MAP1LC3C: variants seen among roughly 807,000 people sequenced by gnomAD.
MAP1LC3C encodes the protein microtubule-associated protein 1 light chain 3 gamma.
Under a neutral mutation model 10.4 loss-of-function variants are expected in MAP1LC3C, and 12 were observed. The observed-to-expected ratio is 1.15, with a 90% CI of 0.74 to 1.86. The LOEUF is 1.86. Among genes scored for constraint, MAP1LC3C ranks in the 40% most tolerant of loss-of-function variants. MAP1LC3C has a pLI of 0.00. For synonymous variants in MAP1LC3C, 70 were observed against 69.0 expected (o/e 1.01, Z -0.07); for missense variants, 177 against 185.7 (o/e 0.95, Z 0.27).
upstream of MAP1LC3C, among the ~76,000 whole-genome samples, chr1:241,999,371 C>T (rs1164463826): frequency 3.3e-5 from 5 of 152,152 alleles, no homozygotes; most frequent in Non-Finnish European, 7.3e-5. Context: ...GATGTTTTTG[C>T]CCTTCAGTAG....
At chr1:241,999,171 C>T, upstream of MAP1LC3C, 1 of 1,343,164 alleles carries the variant, frequency 7.4e-7, no homozygotes, top group Admixed American at 3.3e-5. Flanking sequence ...CTCCCCTCTC[C>T]CCACTCCCCC....
chr1:242,000,749 TA>T (rs1235415660), upstream of MAP1LC3C, among the ~76,000 whole-genome samples: 2 of 152,186 alleles, frequency 1.3e-5, no homozygotes, highest in African/African-American at 4.8e-5. Flanking sequence ...CGTGTTCAGC[TA>T]GCAGAACCTA....
At chr1:241,998,667 A>G (rs756785766) in intron 2 of MAP1LC3C, 47 bp from the exon 3 acceptor site, 3 of 1,607,836 alleles carry the variant, frequency 1.9e-6, no homozygotes, top group East Asian at 2.2e-5. Flanking sequence ...CGTGAGTGTT[A>G]GGAACTTGGA....
chr1:241,996,088 A>C lies in MAP1LC3C; in HGVS notation c.*75T>G. On this transcript the variant is annotated 3_prime_UTR_variant, in exon 4 of 4. Coordinates refer to ENST00000357246, the MANE Select transcript of MAP1LC3C (RefSeq NM_001004343.3). ...CCTGCTTCTCAGACTCCTCCACTGT[A>C]TACACAGGAGAAAACCAATCCCTTC... 1 of 1,371,118 alleles carries C rather than the reference A, an allele frequency of 7.3e-7. No individual in the cohort carries two copies. Among genetic ancestry groups the C allele is most frequent in the Non-Finnish European group, 1.0e-6 (1 of 993,712 alleles). The allele number at this position is 1,371,118 out of a possible 1,614,324, so 84.9% of individuals were successfully genotyped here.
upstream of MAP1LC3C, among the ~76,000 whole-genome samples, chr1:241,999,723 C>T (rs28588953): frequency 0.57 from 86,516 of 152,054 alleles, 24,905 homozygotes; most frequent in South Asian, 0.69. Flanking sequence ...GCAAGAGAAT[C>T]GCTTGAACCC....
At chr1:241,998,925 C>T (rs768082481) in intron 1 of MAP1LC3C, 26 bp downstream of exon 1, 30 of 1,611,350 alleles carry the variant, frequency 1.9e-5, no homozygotes, top group Non-Finnish European at 2.5e-5. Context: ...TTTAGATAAC[C>T]CAGAAAGCTA....
chr1:241,999,129 T>A, upstream of MAP1LC3C: 4 of 1,460,646 alleles, frequency 2.7e-6, no homozygotes, highest in Non-Finnish European at 3.6e-6. Flanking sequence ...GGCCCTTATG[T>A]AGGGCTGAGT....
Position 241,998,021 on chromosome 1 carries a change from C to CTTTTTTTTTTTTT in MAP1LC3C, c.221+480_221+492dup, listed in dbSNP as rs58237405. 3.6e-4 allele frequency among the ~76,000 whole-genome samples: 34 copies of CTTTTTTTTTTTTT among 95,414 alleles called. 2 individuals are homozygous for CTTTTTTTTTTTTT. The highest frequency in any genetic ancestry group is 4.6e-4 in the African/African-American group (11 of 23,996). 62.6% of individuals were successfully genotyped at this position (95,414 alleles called of 152,430 possible). A position where few individuals can be genotyped will look rare whatever the true frequency, so the allele number is the denominator to read the frequency against. On this transcript the variant is annotated intron_variant, in intron 3 of 3. Coordinates refer to ENST00000357246, the MANE Select transcript of MAP1LC3C (RefSeq NM_001004343.3). ...CTTACCTGTTTAAAATAGAGTAATT[C>CTTTTTTTTTTTTT]TTTTTTTTTTTTTTTTTTTTTTGAG...
Position 241,996,269 on chromosome 1 carries a change from C to T in MAP1LC3C, c.338G>A (p.Gly113Asp). The T allele has an allele frequency of 6.2e-7, 1 of 1,614,168 alleles. No homozygotes were observed. Among genetic ancestry groups the T allele is most frequent in the Non-Finnish European group, 8.5e-7 (1 of 1,180,044 alleles). Residue 113 changes from glycine to aspartate, a missense_variant, in exon 4 of 4, where the codon GGC (glycine) becomes GAC (aspartate). Coordinates refer to ENST00000357246, the MANE Select transcript of MAP1LC3C (RefSeq NM_001004343.3). ...GGAGGCGTAGGTCATGTACACGAAG[C>T]CATCCTCATCCTTGTAGTCTCTGTA... ...EIYRDYKDED[G>D]FVYMTYASQE...
chr1:242,001,199 C>T (rs1162550808), upstream of MAP1LC3C, among the ~76,000 whole-genome samples: 1 of 152,028 alleles, frequency 6.6e-6, no homozygotes, highest in Non-Finnish European at 1.5e-5. Flanking sequence ...ATGGCTTGAA[C>T]CTGGGAGGTG....
chr1:241,997,621 G>T (rs1574236814), intron 3 of MAP1LC3C, among the ~76,000 whole-genome samples: 1 of 152,144 alleles, frequency 6.6e-6, no homozygotes, highest in East Asian at 1.9e-4. Context: ...TACTCATCGG[G>T]TATATTTACT....
chr1:241,996,074 G>A lies in MAP1LC3C; in HGVS notation c.*89C>T. The A allele has an allele frequency of 8.3e-7, 1 of 1,203,544 alleles. No individual in the cohort carries two copies. Among genetic ancestry groups the A allele is most frequent in the Non-Finnish European group, 1.2e-6 (1 of 867,124 alleles). The allele number at this position is 1,203,544 out of a possible 1,614,324, so 74.6% of individuals were successfully genotyped here. ...TCACCCCAGGCATCCCTGCTTCTCA[G>A]ACTCCTCCACTGTATACACAGGAGA... is the stretch of plus-strand genomic sequence containing the variant. On this transcript the variant is annotated 3_prime_UTR_variant, in exon 4 of 4. Coordinates refer to ENST00000357246, the MANE Select transcript of MAP1LC3C (RefSeq NM_001004343.3).
At chr1:241,996,943 A>G (rs1472664519) in intron 3 of MAP1LC3C, among the ~76,000 whole-genome samples, 2 of 150,308 alleles carry the variant, frequency 1.3e-5, no homozygotes, top group East Asian at 3.9e-4. Flanking sequence ...AATTAAAGCT[A>G]TTTCCCTAGA....
At chr1:241,998,424 T>C (rs1665130202) in intron 3 of MAP1LC3C, 90 bp downstream of exon 3, 2 of 1,047,798 alleles carry the variant, frequency 1.9e-6, no homozygotes, top group Non-Finnish European at 2.9e-6. Context: ...CGTGCCCCCA[T>C]CCCCAAAATA....
In MAP1LC3C at chr1:241,999,013, C is replaced by A; in HGVS notation, c.-5G>T. On this transcript the variant is annotated 5_prime_UTR_variant, in exon 1 of 4. Coordinates refer to ENST00000357246, the MANE Select transcript of MAP1LC3C (RefSeq NM_001004343.3). ...GATTTTCTGTGGAGGCGGCATTGCA[C>A]TCAGTAGCTGTGTCTGTTTTAAAAA... 1.2e-6 allele frequency: 2 copies of A among 1,606,904 alleles called. No homozygotes were observed. The highest frequency in any genetic ancestry group is 4.5e-5 in the East Asian group (2 of 44,828).
At chr1:242,000,344 G>A (rs956891724), upstream of MAP1LC3C, among the ~76,000 whole-genome samples, 5 of 152,094 alleles carry the variant, frequency 3.3e-5, no homozygotes, top group Non-Finnish European at 5.9e-5. Context: ...GAGTTCAAGC[G>A]ATTTCTCCCG....
intron 3 of MAP1LC3C, 27 bp from the exon 4 acceptor site, chr1:241,996,412 G>A: frequency 1.3e-6 from 2 of 1,596,112 alleles, no homozygotes; most frequent in Non-Finnish European, 1.7e-6. Flanking sequence ...GGTGGTGAGG[G>A]TATGGCCTGC....
chr1:241,997,357 G>A (rs1308636729), intron 3 of MAP1LC3C, among the ~76,000 whole-genome samples: 1 of 152,050 alleles, frequency 6.6e-6, no homozygotes, highest in Non-Finnish European at 1.5e-5. Flanking sequence ...CATCTCTACA[G>A]AACATTTTTA....
At chr1:241,997,448 A>G (rs1665107691) in intron 3 of MAP1LC3C, among the ~76,000 whole-genome samples, 2 of 152,112 alleles carry the variant, frequency 1.3e-5, no homozygotes, top group Non-Finnish European at 2.9e-5. Flanking sequence ...TGAGCCCAGA[A>G]GGCCAAGGCT....
Sources: allele counts gnomAD v4.1 joint callset (sites outside exome capture counted in the v4.1 genomes callset), GRCh38; gene constraint gnomAD v4.1.1; transcripts MANE v1.5; gene names NCBI Gene and HGNC (gene_info 2026-07-23, HGNC 2026-07-21).